Variants in ARID1B observed in about 807,000 individuals in gnomAD.
The protein encoded by ARID1B is AT-rich interactive domain-containing protein 1B.
In ARID1B, 30 loss-of-function variants were observed where a neutral mutation model predicts 212.3. That is an observed-to-expected ratio of 0.14 (90% CI 0.11 to 0.19). The LOEUF is 0.19. ARID1B is among the 10% of genes least tolerant of loss of function. The pLI is 1.00. For missense variants in ARID1B, 2,891 were observed against 3,204.0 expected (o/e 0.90, Z 2.36); for synonymous variants, 1,402 against 1,301.7 (o/e 1.08, Z -1.66).
intron 4 of ARID1B, among the ~76,000 whole-genome samples, chr6:157,044,975 AATAT>A (rs1183911001): frequency 2.6e-5 from 4 of 152,180 alleles, no homozygotes; most frequent in African/African-American, 9.7e-5. Context: ...CCATTTATAT[AATAT>A]ATAAATGTTC....
At chr6:156,839,289 A>G (rs1007758095) in intron 2 of ARID1B, among the ~76,000 whole-genome samples, 4 of 152,156 alleles carry the variant, frequency 2.6e-5, no homozygotes, top group Non-Finnish European at 5.9e-5. Flanking sequence ...GCTGCTTCAC[A>G]ACGTGGTGGA....
chr6:156,913,017 C>G, intron 3 of ARID1B, among the ~76,000 whole-genome samples: 1 of 130,104 alleles, frequency 7.7e-6, no homozygotes, highest in Non-Finnish European at 1.7e-5. Context: ...TCTTTTCATA[C>G]TTTCTTTTTT....
chr6:156,790,085 G>C (rs1779912476), intron 1 of ARID1B, among the ~76,000 whole-genome samples: 1 of 152,158 alleles, frequency 6.6e-6, no homozygotes, highest in African/African-American at 2.4e-5. Flanking sequence ...CAAATTTCCT[G>C]ATATGTTTTT....
chr6:157,123,193 T>C (rs1787869684), intron 6 of ARID1B, among the ~76,000 whole-genome samples: 1 of 150,382 alleles, frequency 6.6e-6, no homozygotes. Flanking sequence ...TCTGTCTCTG[T>C]CTCTGTCTCT....
chr6:157,196,454 G>T (rs889469520), intron 16 of ARID1B, 139 bp downstream of exon 16: 3 of 1,122,718 alleles, frequency 2.7e-6, no homozygotes, highest in Non-Finnish European at 2.5e-6. Flanking sequence ...AAGAGGCAAT[G>T]GCTGCTGGTC....
In ARID1B at chr6:156,778,664, C is replaced by T. The variant is rs2114981846; in HGVS notation, c.984C>T (p.Gly328=). The T allele has an allele frequency of 2.0e-6, 3 of 1,487,172 alleles. No homozygotes were observed. Among genetic ancestry groups the T allele is most frequent in the South Asian group, 1.3e-5 (1 of 78,868 alleles). The allele number at this position is 1,487,172 out of a possible 1,614,324, so 92.1% of individuals were successfully genotyped here. Reference sequence around the variant, plus strand: ...CTGCCCCTGCGAGCGGCGGCCCCGGCGGCCGCGCTGGGCCTTGCTTTGATC... The same window carrying T: ...CTGCCCCTGCGAGCGGCGGCCCCGGTGGCCGCGCTGGGCCTTGCTTTGATC... ...GSAAPASGGP[G]GRAGPCFDQH... is the part of the protein sequence containing the mutation. Residue 328 remains glycine, a synonymous_variant, in exon 1 of 20, where the codon GGC becomes GGT. Transcript: ENST00000636930.
rs1051876171 is a variant in ARID1B at position 156,859,214 on chromosome 6, C to T, written c.1986+29793C>T. Among the ~76,000 whole-genome samples the T allele has an allele frequency of 3.9e-5, 6 of 152,080 alleles. No individual in the cohort carries two copies. The East Asian group carries it at 5.8e-4, about 15-fold the overall frequency. The stretch of plus-strand genomic sequence containing the variant: ...CTGCAACCTCCGCCTCCCGGGTTCA[C>T]GCCATTTTCCTGCCTCAGCCTCCCA... On this transcript the variant is annotated intron_variant, in intron 2 of 19. Coordinates refer to ENST00000636930, the MANE Select transcript of ARID1B (RefSeq NM_001374828.1).
At chr6:157,172,171 T>G (rs1562321800) in intron 9 of ARID1B, among the ~76,000 whole-genome samples, 1 of 152,176 alleles carries the variant, frequency 6.6e-6, no homozygotes, top group Admixed American at 6.5e-5. Context: ...GAAAAGGGTG[T>G]TTTTTAATGT....
At chr6:156,823,061 T>C (rs1308235299) in intron 1 of ARID1B, among the ~76,000 whole-genome samples, 3 of 152,228 alleles carry the variant, frequency 2.0e-5, no homozygotes, top group South Asian at 2.1e-4. Flanking sequence ...CCGATCCTTA[T>C]CGAGCTTGTT....
chr6:156,827,903 G>T (rs1317088411), intron 1 of ARID1B, among the ~76,000 whole-genome samples: 3 of 151,394 alleles, frequency 2.0e-5, no homozygotes, highest in Non-Finnish European at 4.4e-5. Flanking sequence ...TGGGATTATA[G>T]GCGTGCACTA....
At position 157,022,226 on chromosome 6, in the gene ARID1B, A is replaced by G. The variant is rs1157434932; in HGVS notation, c.2248-62436A>G. 3.3e-5 allele frequency: 5 copies of G among 152,318 alleles called. No individual in the cohort carries two copies. The East Asian group carries it at 5.8e-4, about 18-fold the overall frequency. 9.4% of individuals were successfully genotyped at this position (152,318 alleles called of 1,614,324 possible). ...GGGGCGAGGCTGGCAGGCCGCCGCC[A>G]TTGGCTGTTACCCGACGCACCGAGG... On this transcript the variant is annotated intron_variant, in intron 4 of 19. Transcript: ENST00000636930.
intron 2 of ARID1B, among the ~76,000 whole-genome samples, chr6:156,856,700 T>TCTCTCTCACACACA (rs1168465535): frequency 8.7e-6 from 1 of 114,646 alleles, no homozygotes; most frequent in African/African-American, 3.5e-5. Flanking sequence ...TCTCTCTCTC[T>TCTCTCTCACACACA]CACACACACA....
At chr6:157,083,258 A>T (rs1321008323) in intron 4 of ARID1B, among the ~76,000 whole-genome samples, 1 of 152,262 alleles carries the variant, frequency 6.6e-6, no homozygotes, top group African/African-American at 2.4e-5. Flanking sequence ...CTTTGTAAAC[A>T]GTAGCATAAC....
intron 3 of ARID1B, among the ~76,000 whole-genome samples, chr6:156,909,794 T>C (rs924798927): frequency 2.0e-5 from 3 of 152,306 alleles, no homozygotes; most frequent in African/African-American, 7.2e-5. Context: ...TTTGCAGTCG[T>C]TGAAAATCAT....
rs369787514 is a variant in ARID1B at position 156,837,126 on chromosome 6, T to C, written c.1986+7705T>C. Among the ~76,000 whole-genome samples, 62 of 152,380 alleles carry C rather than the reference T, an allele frequency of 4.1e-4. 1 individual carries two copies. The highest frequency in any genetic ancestry group is 1.3e-3 in the African/African-American group (55 of 41,604). ...GATTAGCAAATTGTTGGTATCAGTC[T>C]AATAAATTATTTTCTAATTCTTAAT... is the stretch of plus-strand genomic sequence containing the variant. On this transcript the variant is annotated intron_variant, in intron 2 of 19. Coordinates refer to ENST00000636930, the MANE Select transcript of ARID1B (RefSeq NM_001374828.1).
intron 17 of ARID1B, among the ~76,000 whole-genome samples, chr6:157,199,465 G>A (rs999282217): frequency 7.9e-5 from 12 of 151,922 alleles, no homozygotes; most frequent in African/African-American, 1.5e-4. Flanking sequence ...GACCAGTGCC[G>A]CTGCAGGAAC....
chr6:157,025,346 G>A (rs1780590796), intron 4 of ARID1B, among the ~76,000 whole-genome samples: 1 of 152,212 alleles, frequency 6.6e-6, no homozygotes, highest in African/African-American at 2.4e-5. Flanking sequence ...TCTGAGCATT[G>A]TGGATGGATT....
rs1794486681 is a variant in ARID1B, at chr6:157,206,766, A to G, written c.5994A>G (p.Ala1998=). 3 of 1,613,694 alleles carry G rather than the reference A, an allele frequency of 1.9e-6. No homozygotes were observed. The highest frequency in any genetic ancestry group is 2.5e-6 in the Non-Finnish European group (3 of 1,180,026). Residue 1998 remains alanine (A), a synonymous_variant, in exon 20 of 20, where the codon GCA becomes GCG. Coordinates refer to ENST00000636930, the MANE Select transcript of ARID1B (RefSeq NM_001374828.1). This position sits in a 1 kb window ranked among gnomAD's most constrained non-coding sequence, Gnocchi z 6.8. The part of the protein sequence containing the change: ...SEEQQEKSII[A]TIDDVLSARP... ...AGCAGCAAGAGAAAAGCATCATAGC[A>G]ACCATCGATGACGTCCTCTCTGCTC...
chr6:156,784,090 C>T (rs1273937115), intron 1 of ARID1B, among the ~76,000 whole-genome samples: 1 of 151,800 alleles, frequency 6.6e-6, no homozygotes, highest in African/African-American at 2.4e-5. Flanking sequence ...TGACATTTTA[C>T]ACTGCTGTTA....
Sources: gnomAD v4.1 joint callset for allele counts (sites outside exome capture counted in the v4.1 genomes callset) on GRCh38, gnomAD v4.1.1 for gene constraint, Gnocchi (gnomAD v3.1) non-coding constraint, MANE v1.5 for transcripts, NCBI Gene and HGNC (gene_info 2026-07-23, HGNC 2026-07-21) for gene names.